Variants in SLC1A3 observed in about 807,000 individuals in gnomAD.
SLC1A3 encodes solute carrier family 1 member 3.
A neutral mutation model predicts 48.1 loss-of-function variants in SLC1A3; 21 were observed. That is an observed-to-expected ratio of 0.44 (90% confidence interval 0.31 to 0.63). SLC1A3 has a LOEUF of 0.63. Among genes scored for constraint, SLC1A3 ranks in the 20% least tolerant of loss-of-function variants. The probability of loss-of-function intolerance (pLI) is 0.08; values close to 1 mark genes in which losing one functional copy is unlikely to be tolerated. For synonymous variants in SLC1A3, 239 were observed against 251.4 expected, an observed-to-expected ratio of 0.95 and a Z score of 0.47; for missense variants, 546 against 689.0, an observed-to-expected ratio of 0.79 and a Z score of 2.32.
intron 3 of SLC1A3, among the ~76,000 whole-genome samples, chr5:36,662,352 C>G (rs566183873): frequency 7.1e-4 from 108 of 152,252 alleles, no homozygotes; most frequent in African/African-American, 2.3e-3. Flanking sequence ...CTTTTTGCTG[C>G]TATTTTCTGC....
intron 2 of SLC1A3, among the ~76,000 whole-genome samples, chr5:36,614,364 T>G (rs1739341238): frequency 6.6e-6 from 1 of 152,164 alleles, no homozygotes; most frequent in Non-Finnish European, 1.5e-5. Flanking sequence ...CAGAAGATAC[T>G]CACCTGGTTT....
rs1176214248 is a variant in SLC1A3 at position 36,599,508 on chromosome 5, C to CTTTTTTTTTTTTTT, written c.-96+2836_-96+2849dup. ...CCTACACATCGTAGCTACGGTTGAA[C>CTTTTTTTTTTTTTT]TTTTTTTTTTTTTTTTTTTGAGACG... On this transcript the variant is annotated intron_variant, in intron 1 of 9. Transcript: ENST00000680318. Among the ~76,000 whole-genome samples, 103 of 78,280 alleles carry CTTTTTTTTTTTTTT rather than the reference C, an allele frequency of 1.3e-3. 14 individuals are homozygous for CTTTTTTTTTTTTTT. Among genetic ancestry groups the CTTTTTTTTTTTTTT allele is most frequent in the Admixed American group, 2.9e-3 (14 of 4,792 alleles). 51.4% of individuals were successfully genotyped at this position (78,280 alleles called of 152,430 possible). A position where few individuals can be genotyped will look rare whatever the true frequency, so the allele number is the denominator to read the frequency against.
intron 3 of SLC1A3, 87 bp downstream of exon 3, chr5:36,629,674 T>C (rs1740060871): frequency 9.5e-6 from 11 of 1,155,392 alleles, no homozygotes; most frequent in Non-Finnish European, 1.3e-6. Context: ...GCTTTAGGTT[T>C]CTGCTGGATG....
At chr5:36,614,119 A>G (rs1179692928) in intron 2 of SLC1A3, among the ~76,000 whole-genome samples, 3 of 152,252 alleles carry the variant, frequency 2.0e-5, no homozygotes, top group Non-Finnish European at 2.9e-5. Context: ...TGTATAAAAC[A>G]GAATAATTAT....
At chr5:36,605,180 T>G (rs543795507), upstream of SLC1A3, among the ~76,000 whole-genome samples, 51 of 152,280 alleles carry the variant, frequency 3.3e-4, no homozygotes, top group Middle Eastern at 3.4e-3. Flanking sequence ...TCAAAGAACT[T>G]ATAATTTAGT....
At chr5:36,672,819 G>C (rs1435529303) in intron 4 of SLC1A3, among the ~76,000 whole-genome samples, 1 of 152,162 alleles carries the variant, frequency 6.6e-6, no homozygotes, top group Non-Finnish European at 1.5e-5. Context: ...ACATTCAATA[G>C]CTATGTTTTT....
intron 1 of SLC1A3, among the ~76,000 whole-genome samples, chr5:36,600,853 C>T (rs567545069): frequency 1.3e-5 from 2 of 152,294 alleles, no homozygotes; most frequent in East Asian, 1.9e-4. Flanking sequence ...TCTAACCTTA[C>T]CCCCAGATTA....
chr5:36,612,091 A>G (rs1305864251), intron 2 of SLC1A3, among the ~76,000 whole-genome samples: 2 of 151,270 alleles, frequency 1.3e-5, no homozygotes, highest in Non-Finnish European at 3.0e-5. Context: ...ACACGCACAC[A>G]CACACACACA....
chr5:36,659,151 A>G (rs2111878262), intron 3 of SLC1A3, among the ~76,000 whole-genome samples: 1 of 152,370 alleles, frequency 6.6e-6, no homozygotes, highest in African/African-American at 2.4e-5. Context: ...AGTAGGCATA[A>G]TGATCAAACA....
At chr5:36,629,979 C>A (rs918053833) in intron 3 of SLC1A3, 2 of 278,562 alleles carry the variant, frequency 7.2e-6, no homozygotes, top group Non-Finnish European at 6.9e-6. Context: ...GCTATTGATG[C>A]AAGAATGCTT....
chr5:36,630,875 G>A (rs948643926), intron 3 of SLC1A3, among the ~76,000 whole-genome samples: 1 of 152,204 alleles, frequency 6.6e-6, no homozygotes, highest in Non-Finnish European at 1.5e-5. Context: ...GAGTTGATTT[G>A]ATGTACTTGT....
intron 1 of SLC1A3, among the ~76,000 whole-genome samples, chr5:36,599,559 G>C (rs903316719): frequency 4.9e-5 from 6 of 122,484 alleles, no homozygotes; most frequent in Non-Finnish European, 9.5e-5. Context: ...ACCCAGGCTG[G>C]AGTGCAATGG....
chr5:36,663,999 G>A (rs779788541), intron 3 of SLC1A3, among the ~76,000 whole-genome samples: 71 of 152,154 alleles, frequency 4.7e-4, no homozygotes, highest in Non-Finnish European at 9.1e-4. Context: ...CAATACCCAA[G>A]GTCACTATCC....
At chr5:36,607,755 G>C (rs1344309243) in intron 1 of SLC1A3, among the ~76,000 whole-genome samples, 1 of 152,306 alleles carries the variant, frequency 6.6e-6, no homozygotes, top group Non-Finnish European at 1.5e-5. Flanking sequence ...CCCATGTACT[G>C]TGGGCACTTG....
intron 9 of SLC1A3, among the ~76,000 whole-genome samples, chr5:36,685,234 T>G (rs1310725031): frequency 6.6e-6 from 1 of 152,156 alleles, no homozygotes; most frequent in African/African-American, 2.4e-5. Flanking sequence ...ATAAATAGCA[T>G]TTTTTTGCAA....
chr5:36,615,859 A>T (rs945630655), intron 2 of SLC1A3, among the ~76,000 whole-genome samples: 1 of 152,212 alleles, frequency 6.6e-6, no homozygotes, highest in African/African-American at 2.4e-5. Flanking sequence ...CACACAGAGC[A>T]CTTCAGTGCA....
At chr5:36,671,350 A>G in intron 4 of SLC1A3, 117 bp downstream of exon 4, 1 of 741,506 alleles carries the variant, frequency 1.3e-6, no homozygotes, top group East Asian at 2.7e-5. Context: ...CAGGCTTGAA[A>G]TGAAGGTCAT....
chr5:36,657,895 C>G (rs1232727616), intron 3 of SLC1A3, among the ~76,000 whole-genome samples: 1 of 152,224 alleles, frequency 6.6e-6, no homozygotes, highest in African/African-American at 2.4e-5. Flanking sequence ...GCTGACCGCA[C>G]TGCATTGGGA....
rs1270816522 is a variant in SLC1A3 at position 36,679,552 on chromosome 5, T to G, written c.861-75T>G. ...CAGTCAACTCTCTTTTCCCTTTTTC[T>G]TATCACTTGGAAATTTCTGTGGACT... On this transcript the variant is annotated intron_variant, in intron 6 of 9. Transcript: ENST00000265113. The G allele has an allele frequency of 2.8e-6, 3 of 1,063,956 alleles. No individual in the cohort carries two copies. The African/African-American group carries it at 4.7e-5, about 17-fold the overall frequency. The allele number at this position is 1,063,956 out of a possible 1,614,324, so 65.9% of individuals were successfully genotyped here.
Sources: allele counts gnomAD v4.1 joint callset (sites outside exome capture counted in the v4.1 genomes callset), GRCh38; gene constraint gnomAD v4.1.1; transcripts MANE v1.5; gene names NCBI Gene and HGNC (gene_info 2026-07-23, HGNC 2026-07-21).